Variants in CIMAP3 observed in about 807,000 individuals in gnomAD.
CIMAP3 encodes ciliary microtubule associated protein 3.
the CIMAP3 span, chr1:111,347,585 G>T: frequency 1.3e-6 from 1 of 789,426 alleles, no homozygotes; most frequent in Non-Finnish European, 2.1e-6. Context: ...CATTTCGATG[G>T]CCCTGATGTT....
At chr1:111,332,094 G>T in the CIMAP3 span, among the ~76,000 whole-genome samples, 4 of 152,180 alleles carry the variant, frequency 2.6e-5, no homozygotes, top group Non-Finnish European at 5.9e-5. Context: ...GTGTGCATAG[G>T]GTGGGTTGGC....
chr1:111,325,211 G>A, the CIMAP3 span, among the ~76,000 whole-genome samples: 3,164 of 151,656 alleles, frequency 0.021, 97 homozygotes, highest in African/African-American at 0.073. Flanking sequence ...CACTGTATAC[G>A]ATTTGTCCTT....
chr1:111,342,498 G>T, the CIMAP3 span, among the ~76,000 whole-genome samples: 1 of 152,200 alleles, frequency 6.6e-6, no homozygotes, highest in East Asian at 1.9e-4. Flanking sequence ...GAGAAGGCCA[G>T]CTAGGGGTTT....
At chr1:111,332,906 T>C in the CIMAP3 span, among the ~76,000 whole-genome samples, 1 of 152,060 alleles carries the variant, frequency 6.6e-6, no homozygotes, top group Non-Finnish European at 1.5e-5. Context: ...GATACATATT[T>C]GCTCCACCAG....
the CIMAP3 span, among the ~76,000 whole-genome samples, chr1:111,330,394 G>T: frequency 6.6e-6 from 1 of 152,214 alleles, no homozygotes; most frequent in Admixed American, 6.5e-5. Flanking sequence ...CTGAGGCTTT[G>T]TGTGGGGCCT....
the CIMAP3 span, among the ~76,000 whole-genome samples, chr1:111,336,123 G>C: frequency 2.6e-4 from 39 of 152,350 alleles, no homozygotes; most frequent in African/African-American, 9.4e-4. Context: ...AACTCCAACA[G>C]ACCTGCAGCT....
chr1:111,329,540 T>TATAC, the CIMAP3 span, among the ~76,000 whole-genome samples: 1 of 99,422 alleles, frequency 1.0e-5, no homozygotes, highest in Non-Finnish European at 2.2e-5. Context: ...TATATATATA[T>TATAC]ATATATATAT....
At chr1:111,326,834 G>T in the CIMAP3 span, among the ~76,000 whole-genome samples, 196 of 152,224 alleles carry the variant, frequency 1.3e-3, no homozygotes, top group Non-Finnish European at 1.6e-3. Flanking sequence ...GCACTTTTCT[G>T]ATGATTAGTA....
the CIMAP3 span, chr1:111,346,644 C>T: frequency 6.2e-7 from 1 of 1,614,218 alleles, no homozygotes; most frequent in Non-Finnish European, 8.5e-7. Flanking sequence ...CTAGCCCTAG[C>T]AGCTCGCGAT....
chr1:111,324,910 T>C, the CIMAP3 span: 2 of 966,246 alleles, frequency 2.1e-6, no homozygotes, highest in Non-Finnish European at 2.5e-6. Flanking sequence ...TCTTGGACTC[T>C]AGTAGATGTA....
chr1:111,332,743 G>A, the CIMAP3 span, among the ~76,000 whole-genome samples: 1 of 152,164 alleles, frequency 6.6e-6, no homozygotes, highest in African/African-American at 2.4e-5. Context: ...TAGGACAATG[G>A]TGCATAGCTG....
chr1:111,349,870 C>A, the CIMAP3 span: 5 of 427,942 alleles, frequency 1.2e-5, no homozygotes, highest in Non-Finnish European at 1.3e-5. Flanking sequence ...ATCTTTTAAT[C>A]TGGAGTCGAT....
chr1:111,338,940 A>G, the CIMAP3 span, among the ~76,000 whole-genome samples: 3 of 152,240 alleles, frequency 2.0e-5, no homozygotes, highest in Non-Finnish European at 4.4e-5. Context: ...ATGAAATTTG[A>G]TGCAAAAATC....
chr1:111,324,860 G>T, the CIMAP3 span: 2 of 985,290 alleles, frequency 2.0e-6, no homozygotes, highest in African/African-American at 1.7e-5. Flanking sequence ...TCATGGATCA[G>T]ACAGCCATAC....
the CIMAP3 span, chr1:111,347,043 T>C: frequency 6.8e-6 from 11 of 1,611,530 alleles, no homozygotes; most frequent in South Asian, 1.1e-4. Flanking sequence ...GGTGTTATTT[T>C]TCAGATGTGA....
chr1:111,347,014 T>G, the CIMAP3 span: 1 of 1,613,952 alleles, frequency 6.2e-7, no homozygotes, highest in Non-Finnish European at 8.5e-7. Context: ...TCTTAGGGGA[T>G]CACCCCACAG....
At chr1:111,352,400 C>T in the CIMAP3 span, 1 of 152,584 alleles carries the variant, frequency 6.6e-6, no homozygotes, top group Non-Finnish European at 1.5e-5. Context: ...TCATGGCCAC[C>T]CCCTGATGAG....
At chr1:111,342,212 G>A in the CIMAP3 span, among the ~76,000 whole-genome samples, 2 of 152,176 alleles carry the variant, frequency 1.3e-5, no homozygotes, top group African/African-American at 4.8e-5. Context: ...AATTCATCCA[G>A]CAACAGATTC....
the CIMAP3 span, among the ~76,000 whole-genome samples, chr1:111,343,296 AT>A: frequency 2.0e-5 from 3 of 152,222 alleles, no homozygotes; most frequent in African/African-American, 7.2e-5. Context: ...GAATCTACTT[AT>A]CCTCATTAAA....
Sources: gnomAD v4.1 joint callset for allele counts (sites outside exome capture counted in the v4.1 genomes callset) on GRCh38, gnomAD v4.1.1 for gene constraint, MANE v1.5 for transcripts, NCBI Gene and HGNC (gene_info 2026-07-23, HGNC 2026-07-21) for gene names.